PLA2G4A: variants seen among roughly 807,000 people sequenced by gnomAD.
PLA2G4A encodes cytosolic phospholipase A2.
Under a neutral mutation model 81.9 loss-of-function variants are expected in PLA2G4A, and 40 were observed. The observed-to-expected ratio is 0.49, with a 90% CI of 0.38 to 0.64. The LOEUF (loss-of-function observed/expected upper bound fraction) is 0.64, where lower values mean the gene tolerates loss of function less well. Among genes scored for constraint, PLA2G4A ranks in the 30% least tolerant of loss-of-function variants. The pLI, the probability that PLA2G4A is intolerant of heterozygous loss-of-function variation, is 0.00. For missense variants in PLA2G4A, 715 were observed against 905.1 expected (o/e 0.79, Z 2.69); for synonymous variants, 302 against 296.9 (o/e 1.02, Z -0.18).
At chr1:186,966,680 C>T (rs375035873) in intron 15 of PLA2G4A, among the ~76,000 whole-genome samples, 6 of 152,110 alleles carry the variant, frequency 3.9e-5, no homozygotes, top group Non-Finnish European at 7.4e-5. Context: ...CAAATAAACA[C>T]GCTTTGTTCC....
rs188518451 is a variant in PLA2G4A at position 186,861,983 on chromosome 1, T to C, written c.33+7596T>C. Among the ~76,000 whole-genome samples, 532 of 149,198 alleles carry C rather than the reference T, an allele frequency of 3.6e-3. 4 individuals carry two copies. Among genetic ancestry groups the C allele is most frequent in the African/African-American group, 0.012 (498 of 41,042 alleles). On this transcript the variant is annotated intron_variant, in intron 2 of 17. Coordinates refer to ENST00000367466, the MANE Select transcript of PLA2G4A (RefSeq NM_024420.3). ...AGTAAAATAATATATTTAATTTATA[T>C]ATAATTATATACCAATGTAATATAT...
In PLA2G4A at chr1:186,975,482, G is replaced by GTTTTTCTT. The variant is rs1657499028; in HGVS notation, c.1765-2110_1765-2109insTTTTCTTT. Reference sequence around the variant, plus strand: ...TCTGAATGTAAGCCTGTATGATAAAGTACTTGTTTTCTTCTAATGTAAACT... The same window carrying GTTTTTCTT: ...TCTGAATGTAAGCCTGTATGATAAAGTTTTTCTTTACTTGTTTTCTTCTAATGTAAACT... On this transcript the variant is annotated intron_variant, in intron 15 of 17. Coordinates refer to ENST00000367466, the MANE Select transcript of PLA2G4A (RefSeq NM_024420.3). 2.0e-5 allele frequency among the ~76,000 whole-genome samples: 3 copies of GTTTTTCTT among 152,264 alleles called. No homozygotes were observed. The South Asian group carries it at 6.2e-4, about 32-fold the overall frequency.
intron 15 of PLA2G4A, among the ~76,000 whole-genome samples, chr1:186,971,706 A>G (rs1000811870): frequency 1.9e-4 from 29 of 152,052 alleles, no homozygotes; most frequent in African/African-American, 6.5e-4. Context: ...AAAGATTGCC[A>G]AAGTAGAATT....
chr1:186,852,026 A>G (rs1188843324), intron 1 of PLA2G4A, among the ~76,000 whole-genome samples: 2 of 151,992 alleles, frequency 1.3e-5, no homozygotes, highest in African/African-American at 4.8e-5. Flanking sequence ...CTTGAGCAAA[A>G]TGCTTTAGTG....
chr1:186,912,796 GTA>G (rs529189242), intron 7 of PLA2G4A, among the ~76,000 whole-genome samples: 4,959 of 128,632 alleles, frequency 0.039, 124 homozygotes, highest in African/African-American at 0.081. Context: ...ATATATATAT[GTA>G]TATATATATA....
At chr1:186,836,330 A>G (rs1445282007) in intron 1 of PLA2G4A, among the ~76,000 whole-genome samples, 1 of 151,054 alleles carries the variant, frequency 6.6e-6, no homozygotes, top group African/African-American at 2.4e-5. Context: ...ATATATTAAT[A>G]TGTACATAAG....
intron 17 of PLA2G4A, 38 bp downstream of exon 17, chr1:186,979,510 C>G (rs1460154950): frequency 7.5e-7 from 1 of 1,329,084 alleles, no homozygotes; most frequent in Non-Finnish European, 1.1e-6. Flanking sequence ...TGTCAAATGA[C>G]TTCCATACCG....
chr1:186,957,404 T>G (rs1656792941), intron 14 of PLA2G4A, among the ~76,000 whole-genome samples: 1 of 152,190 alleles, frequency 6.6e-6, no homozygotes, highest in Admixed American at 6.5e-5. Flanking sequence ...AAAAACCACT[T>G]CAGAATCATC....
At chr1:186,937,253 AAGAGAGAG>A (rs58594192) in intron 8 of PLA2G4A, among the ~76,000 whole-genome samples, 1 of 149,234 alleles carries the variant, frequency 6.7e-6, no homozygotes, top group Non-Finnish European at 1.5e-5. Context: ...GAGACGGGAA[AAGAGAGAG>A]AGAGAGAGAG....
Position 186,854,396 on chromosome 1 carries a change from T to C in PLA2G4A, c.33+9T>C. 6.5e-7 allele frequency: 1 copy of C among 1,539,034 alleles called. No homozygotes were observed. The highest frequency in any genetic ancestry group is 9.0e-7 in the Non-Finnish European group (1 of 1,112,052). ...CTTACCAGCACATTATAGTAAGTCA[T>C]TCACTGTTTATGAATTCTTTCTTGG... is the stretch of plus-strand genomic sequence containing the variant. On this transcript the variant is annotated intron_variant, in intron 2 of 17. Transcript: ENST00000367466.
chr1:186,917,285 T>C (rs950544367), intron 7 of PLA2G4A, among the ~76,000 whole-genome samples: 1 of 152,192 alleles, frequency 6.6e-6, no homozygotes, highest in Non-Finnish European at 1.5e-5. Context: ...TCCTAAAGCC[T>C]GTAGCTGTCG....
intron 1 of PLA2G4A, among the ~76,000 whole-genome samples, chr1:186,840,046 G>C (rs1392545274): frequency 7.4e-6 from 1 of 135,230 alleles, no homozygotes; most frequent in Admixed American, 8.6e-5. Context: ...TGCAATCTTG[G>C]CTCACTGCAA....
chr1:186,950,528 A>G (rs1656517934), intron 12 of PLA2G4A, 129 bp from the exon 13 acceptor site: 2 of 573,218 alleles, frequency 3.5e-6, no homozygotes, highest in Admixed American at 5.8e-5. Flanking sequence ...TATTAAATGG[A>G]TTTAAATTTA....
chr1:186,964,002 G>T (rs1657045333), intron 14 of PLA2G4A, among the ~76,000 whole-genome samples: 1 of 152,154 alleles, frequency 6.6e-6, no homozygotes, highest in African/African-American at 2.4e-5. Context: ...CTGACTATAG[G>T]AGAATTATAG....
chr1:186,928,513 TG>T (rs1160991427), intron 7 of PLA2G4A, among the ~76,000 whole-genome samples: 2 of 152,186 alleles, frequency 1.3e-5, no homozygotes, highest in Non-Finnish European at 2.9e-5. Flanking sequence ...TAGGCTCTCC[TG>T]GGTATGAAGC....
intron 3 of PLA2G4A, among the ~76,000 whole-genome samples, chr1:186,883,708 A>G (rs1051560547): frequency 7.2e-5 from 11 of 152,168 alleles, no homozygotes; most frequent in African/African-American, 1.9e-4. Flanking sequence ...ATCACAAAAT[A>G]ATGATATATT....
chr1:186,918,711 C>G (rs902917342), intron 7 of PLA2G4A, among the ~76,000 whole-genome samples: 2 of 152,198 alleles, frequency 1.3e-5, no homozygotes, highest in Non-Finnish European at 2.9e-5. Context: ...CGCCCGGGCT[C>G]TCTGATACTG....
intron 2 of PLA2G4A, 100 bp downstream of exon 2, chr1:186,854,487 C>T: frequency 1.3e-6 from 1 of 799,382 alleles, no homozygotes; most frequent in Non-Finnish European, 2.3e-6. Context: ...GTGACAACTT[C>T]TGCATTTGTT....
chr1:186,874,591 TA>T (rs1176388705), intron 3 of PLA2G4A, among the ~76,000 whole-genome samples: 1 of 152,124 alleles, frequency 6.6e-6, no homozygotes, highest in African/African-American at 2.4e-5. Context: ...CTGGCCCCTT[TA>T]TTAGACACAT....
Sources: allele counts gnomAD v4.1 joint callset (sites outside exome capture counted in the v4.1 genomes callset), GRCh38; gene constraint gnomAD v4.1.1; transcripts MANE v1.5; gene names NCBI Gene and HGNC (gene_info 2026-07-23, HGNC 2026-07-21).